Variants in ZNF732 observed in about 807,000 individuals in gnomAD.
ZNF732 encodes zinc finger protein 732.
In ZNF732, 12 loss-of-function variants were observed where a neutral mutation model predicts 11.5. The observed-to-expected ratio is 1.05, with a 90% CI of 0.67 to 1.70. The LOEUF (loss-of-function observed/expected upper bound fraction) is 1.70. ZNF732 is among the 40% of genes most tolerant of loss of function. The probability of loss-of-function intolerance (pLI) is 0.00; values close to 1 mark genes in which losing one functional copy is unlikely to be tolerated. For synonymous variants in ZNF732, 231 were observed against 236.5 expected (o/e 0.98, Z 0.21); for missense variants, 702 against 676.9 (o/e 1.04, Z -0.41).
chr4:299,521 A>ATG (rs1321436891), intron 1 of ZNF732, among the ~76,000 whole-genome samples: 2 of 130,738 alleles, frequency 1.5e-5, no homozygotes, highest in Non-Finnish European at 3.2e-5. Context: ...ATACGTATAT[A>ATG]TGTGTATATA....
chr4:270,938 G>T lies in ZNF732; in HGVS notation c.*161C>A. ...TTCCCACATTCTTTACATTTGTAGG[G>T]TTTTTCTCCAGTATGAATTCTTACT... On this transcript the variant is annotated 3_prime_UTR_variant, in exon 4 of 4. Coordinates refer to ENST00000419098, the MANE Select transcript of ZNF732 (RefSeq NM_001137608.3). 1.3e-6 allele frequency: 1 copy of T among 777,404 alleles called. No individual in the cohort carries two copies. The highest frequency in any genetic ancestry group is 2.2e-6 in the Non-Finnish European group (1 of 447,916). 48.2% of individuals were successfully genotyped at this position (777,404 alleles called of 1,614,324 possible).
At chr4:294,345 A>G (rs552297163) in intron 3 of ZNF732, among the ~76,000 whole-genome samples, 1 of 152,354 alleles carries the variant, frequency 6.6e-6, no homozygotes, top group South Asian at 2.1e-4. Context: ...CTTCGTTTCC[A>G]AGAATCTATC....
intron 3 of ZNF732, among the ~76,000 whole-genome samples, chr4:290,361 T>C (rs1225579288): frequency 6.6e-6 from 1 of 152,170 alleles, no homozygotes; most frequent in Non-Finnish European, 1.5e-5. Context: ...TCAAATTCAA[T>C]CTCAGCTATA....
intron 1 of ZNF732, among the ~76,000 whole-genome samples, chr4:304,043 G>C (rs190527733): frequency 4.5e-4 from 68 of 152,288 alleles, no homozygotes; most frequent in Non-Finnish European, 5.3e-4. Context: ...GAAGGAAACA[G>C]GTTCCTGCTA....
intron 3 of ZNF732, among the ~76,000 whole-genome samples, chr4:293,046 C>A (rs1719872751): frequency 9.7e-6 from 1 of 102,936 alleles, no homozygotes; most frequent in Non-Finnish European, 1.7e-5. Context: ...CCAGCCTGGG[C>A]AACAGAGCAA....
rs543558187 is a variant in ZNF732 at position 297,651 on chromosome 4, G to A, written c.4-1496C>T. On this transcript the variant is annotated intron_variant, in intron 1 of 3. Coordinates refer to ENST00000419098, the MANE Select transcript of ZNF732 (RefSeq NM_001137608.3). The stretch of plus-strand genomic sequence containing the variant: ...AAAAAAACTGCAGGGATGGAGAACA[G>A]GTTGCTGGATGAGATGTCTCTAGAA... Among the ~76,000 whole-genome samples, 618 of 147,926 alleles carry A rather than the reference G, an allele frequency of 4.2e-3. 3 individuals are homozygous for A. Among genetic ancestry groups the A allele is most frequent in the South Asian group, 0.028 (130 of 4,626 alleles).
intron 3 of ZNF732, among the ~76,000 whole-genome samples, chr4:283,278 A>G (rs539041212): frequency 1.2e-4 from 18 of 152,286 alleles, no homozygotes; most frequent in Non-Finnish European, 2.4e-4. Context: ...ATAAATTACC[A>G]ACTGTAGGAT....
In ZNF732 at chr4:272,595, C is replaced by T. The variant is rs1553838044; in HGVS notation, c.262G>A (p.Val88Met). ...CSHFTQDFLP[V>M]QGIEDSFHKL... Reference sequence around the variant, plus strand: ...TGGAACGAATCTTCTATCCCCTGCACTGGCAAAAAGTCTTGGGTGAAATGA... The same window carrying T: ...TGGAACGAATCTTCTATCCCCTGCATTGGCAAAAAGTCTTGGGTGAAATGA... Residue 88 changes from valine (V) to methionine (M), a missense_variant, in exon 4 of 4, where the codon GTG (valine) becomes ATG (methionine). Physicochemically the swap from Val to Met is conservative, Grantham distance 21. Coordinates refer to ENST00000419098, the MANE Select transcript of ZNF732 (RefSeq NM_001137608.3). The T allele has an allele frequency of 1.2e-5, 18 of 1,551,090 alleles. No individual in the cohort carries two copies. Among genetic ancestry groups the T allele is most frequent in the Non-Finnish European group, 1.6e-5 (18 of 1,153,480 alleles).
chr4:293,452 T>G (rs1488608079), intron 3 of ZNF732, among the ~76,000 whole-genome samples: 1 of 151,868 alleles, frequency 6.6e-6, no homozygotes, highest in Non-Finnish European at 1.5e-5. Flanking sequence ...AGAAACTGCT[T>G]CTTCTCACTT....
intron 1 of ZNF732, among the ~76,000 whole-genome samples, chr4:299,496 T>C (rs1449989101): frequency 8.7e-6 from 1 of 115,548 alleles, no homozygotes; most frequent in African/African-American, 3.2e-5. Flanking sequence ...CATATGTGTG[T>C]ATATATACAC....
chr4:296,555 G>A (rs1427227878), intron 1 of ZNF732, among the ~76,000 whole-genome samples: 1 of 152,140 alleles, frequency 6.6e-6, no homozygotes, highest in African/African-American at 2.4e-5. Flanking sequence ...TCTGTGGGGA[G>A]GGCACAGGTG....
intron 3 of ZNF732, among the ~76,000 whole-genome samples, chr4:275,516 A>C (rs782331925): frequency 2.0e-5 from 3 of 151,748 alleles, no homozygotes; most frequent in Non-Finnish European, 1.5e-5. Flanking sequence ...AATCTAAAGA[A>C]TTAAAGCAAT....
intron 3 of ZNF732, among the ~76,000 whole-genome samples, chr4:287,509 G>A (rs1553840757): frequency 2.0e-5 from 3 of 152,076 alleles, no homozygotes; most frequent in South Asian, 2.1e-4. Flanking sequence ...GTCATCGCAC[G>A]TGGCCAACAC....
intron 3 of ZNF732, among the ~76,000 whole-genome samples, chr4:290,680 A>G (rs1719827441): frequency 6.6e-6 from 1 of 152,212 alleles, no homozygotes; most frequent in Non-Finnish European, 1.5e-5. Context: ...ACAAACTTCA[A>G]AACCCTAGCC....
intron 3 of ZNF732, among the ~76,000 whole-genome samples, chr4:279,634 A>G (rs1205841926): frequency 1.3e-5 from 2 of 152,196 alleles, no homozygotes; most frequent in African/African-American, 2.4e-5. Context: ...ATCCATTTCA[A>G]AATAATGTAA....
Position 272,354 on chromosome 4 carries a change from T to G in ZNF732, c.503A>C (p.His168Pro). 1 of 1,607,850 alleles carries G rather than the reference T, an allele frequency of 6.2e-7. No homozygotes were observed. The highest frequency in any genetic ancestry group is 8.5e-7 in the Non-Finnish European group (1 of 1,176,388). ...QRRIRHTGEK[H>P]FKECGKSFQK... ...AAATGACTTGCCACATTCTTTAAAGTGTTTCTCTCCAGTATGTCTTATCCT... is the reference window on the plus strand; with the variant it reads ...AAATGACTTGCCACATTCTTTAAAGGGTTTCTCTCCAGTATGTCTTATCCT... The change falls in exon 4 of 4, where the codon CAC becomes CCC. Residue 168 changes from histidine (H) to proline (P), a missense_variant. Coordinates refer to ENST00000419098, the MANE Select transcript of ZNF732 (RefSeq NM_001137608.3).
At chr4:295,649 T>A in intron 2 of ZNF732, 116 bp from the exon 3 acceptor site, 1 of 950,752 alleles carries the variant, frequency 1.1e-6, no homozygotes, top group Non-Finnish European at 1.5e-6. Context: ...AATCCAAAAA[T>A]TGTTTCCTGG....
At chr4:279,154 G>A (rs1719564205) in intron 3 of ZNF732, among the ~76,000 whole-genome samples, 1 of 151,656 alleles carries the variant, frequency 6.6e-6, no homozygotes, top group Admixed American at 6.6e-5. Flanking sequence ...AAACAGACAT[G>A]GGGGCCGGGT....
Position 272,063 on chromosome 4 carries a change from A to G in ZNF732, c.794T>C (p.Leu265Pro). 1 of 1,611,290 alleles carries G rather than the reference A, an allele frequency of 6.2e-7. No homozygotes were observed. Among genetic ancestry groups the G allele is most frequent in the Non-Finnish European group, 8.5e-7 (1 of 1,178,546 alleles). The change falls in exon 4 of 4, where the codon CTT becomes CCT. Residue 265 changes from leucine (L) to proline (P), a missense_variant. Physicochemically the swap from Leu to Pro is moderately conservative, Grantham distance 98. Around this residue, in one of 3 missense-constraint regions of ZNF732, gnomAD observed 596 missense variants for 557.9 expected, o/e 1.07. Transcript: ENST00000419098. The stretch of plus-strand genomic sequence containing the variant: ...AGCATGAATTCTCTTATGCTTAGTA[A>G]GGGTTGAGGACCTATTAAAGGCTTT... Reference protein sequence around the residue: ...CGKAFNRSSTLTKHKRIHAEE... With the variant: ...CGKAFNRSSTPTKHKRIHAEE...
Sources: gnomAD v4.1 joint callset for allele counts (sites outside exome capture counted in the v4.1 genomes callset) on GRCh38, gnomAD v4.1.1 for gene constraint, gnomAD v4.1.1 regional missense constraint, MANE v1.5 for transcripts, NCBI Gene and HGNC (gene_info 2026-07-23, HGNC 2026-07-21) for gene names.